The following AUTS2 variants were observed in gnomAD, a reference collection of about 807,000 sequenced individuals.
The protein encoded by AUTS2 is autism susceptibility gene 2 protein.
A neutral mutation model predicts 112.4 loss-of-function variants in AUTS2; 17 were observed. That is an observed-to-expected ratio of 0.15 (90% CI 0.10 to 0.23). The LOEUF (loss-of-function observed/expected upper bound fraction) is 0.23. Among genes scored for constraint, AUTS2 ranks in the 10% least tolerant of loss-of-function variants. AUTS2 has a pLI of 1.00. For missense variants in AUTS2, 1,510 were observed against 1,701.6 expected (o/e 0.89, Z 1.98); for synonymous variants, 751 against 702.7 (o/e 1.07, Z -1.09).
At chr7:70,333,598 A>G (rs1325956825) in intron 4 of AUTS2, among the ~76,000 whole-genome samples, 1 of 152,242 alleles carries the variant, frequency 6.6e-6, no homozygotes, top group Non-Finnish European at 1.5e-5. Context: ...AAAATGTGGC[A>G]TATATATACC....
intron 1 of AUTS2, among the ~76,000 whole-genome samples, chr7:69,743,858 A>T (rs1390435715): frequency 6.6e-6 from 1 of 152,188 alleles, no homozygotes; most frequent in Non-Finnish European, 1.5e-5. Flanking sequence ...GTACAGTAGA[A>T]CGATCATAGC....
chr7:70,074,350 G>GT (rs1802925936), intron 2 of AUTS2, among the ~76,000 whole-genome samples: 1 of 152,054 alleles, frequency 6.6e-6, no homozygotes, highest in African/African-American at 2.4e-5. Context: ...TTTCCCTTGG[G>GT]TGTTATCTTT....
At chr7:69,956,356 A>C (rs765291462) in intron 2 of AUTS2, among the ~76,000 whole-genome samples, 4 of 152,204 alleles carry the variant, frequency 2.6e-5, no homozygotes, top group Admixed American at 6.5e-5. Context: ...TACTCATATA[A>C]AACTGAAAGT....
chr7:70,631,468 G>A lies in AUTS2; in HGVS notation c.691-67101G>A, dbSNP rs1805254686. Among the ~76,000 whole-genome samples the A allele has an allele frequency of 6.6e-6, 1 of 152,212 alleles. No homozygotes were observed. Among genetic ancestry groups the A allele is most frequent in the Admixed American group, 6.5e-5 (1 of 15,290 alleles). On this transcript the variant is annotated intron_variant, in intron 5 of 18. Coordinates refer to ENST00000342771, the MANE Select transcript of AUTS2 (RefSeq NM_015570.4). This position sits in a 1 kb window ranked among gnomAD's most constrained non-coding sequence, Gnocchi z 4.5. ...TCCAATGGGCCGTTCAGGTTAGGGA[G>A]TTCCGAGACTCTCCATGATTTCTGA...
intron 4 of AUTS2, among the ~76,000 whole-genome samples, chr7:70,160,504 T>C (rs1808020025): frequency 6.6e-6 from 1 of 152,198 alleles, no homozygotes; most frequent in African/African-American, 2.4e-5. Flanking sequence ...GTTAGTCTCA[T>C]AGATGTCTGT....
chr7:69,991,046 A>G lies in AUTS2; in HGVS notation c.522+91548A>G, dbSNP rs781235005. 2.6e-5 allele frequency among the ~76,000 whole-genome samples: 4 copies of G among 152,264 alleles called. 1 individual carries two copies. Among genetic ancestry groups the G allele is most frequent in the Admixed American group, 2.6e-4 (4 of 15,292 alleles). On this transcript the variant is annotated intron_variant, in intron 2 of 18. Coordinates refer to ENST00000342771, the MANE Select transcript of AUTS2 (RefSeq NM_015570.4). ...GGCTATGGGGTCTTGTGAAGAGACG[A>G]GATAGCTTGTATTTAATTCACCTGA...
chr7:70,087,510 C>A, intron 2 of AUTS2, among the ~76,000 whole-genome samples: 1 of 151,940 alleles, frequency 6.6e-6, no homozygotes, highest in Non-Finnish European at 1.5e-5. Context: ...GCTGGGATTA[C>A]AGGTGCCCAC....
chr7:70,780,576 A>G (rs1791006287), intron 14 of AUTS2, among the ~76,000 whole-genome samples: 1 of 152,090 alleles, frequency 6.6e-6, no homozygotes, highest in African/African-American at 2.4e-5. Flanking sequence ...GGGTTTCACC[A>G]TGTTGCCCAG....
At chr7:70,123,653 A>G (rs886265237) in intron 3 of AUTS2, among the ~76,000 whole-genome samples, 8 of 152,194 alleles carry the variant, frequency 5.3e-5, no homozygotes, top group Non-Finnish European at 8.8e-5. Flanking sequence ...CTCCAGCACT[A>G]TCTATGTTCC....
chr7:70,613,057 T>C (rs1804177486), intron 5 of AUTS2, among the ~76,000 whole-genome samples: 2 of 152,024 alleles, frequency 1.3e-5, no homozygotes, highest in Admixed American at 1.3e-4. Context: ...TCATAAAAAG[T>C]GATTTAGACT....
intron 2 of AUTS2, among the ~76,000 whole-genome samples, chr7:69,906,114 G>A (rs1795140513): frequency 6.6e-6 from 1 of 152,230 alleles, no homozygotes; most frequent in Non-Finnish European, 1.5e-5. Context: ...ATTGAAGAAT[G>A]AGGGAGCACA....
chr7:70,551,791 C>T (rs555730809), intron 5 of AUTS2, among the ~76,000 whole-genome samples: 130 of 152,258 alleles, frequency 8.5e-4, no homozygotes, highest in African/African-American at 3.0e-3. Context: ...TAATAGGGGA[C>T]ACTGGATATG....
At chr7:69,744,912 T>C (rs1157282284) in intron 1 of AUTS2, among the ~76,000 whole-genome samples, 1 of 152,184 alleles carries the variant, frequency 6.6e-6, no homozygotes, top group Non-Finnish European at 1.5e-5. Flanking sequence ...CTTAGAAAGT[T>C]CAGTCACTTT....
chr7:70,572,796 T>C (rs1802002520), intron 5 of AUTS2, among the ~76,000 whole-genome samples: 1 of 152,196 alleles, frequency 6.6e-6, no homozygotes, highest in African/African-American at 2.4e-5. Context: ...CTGTTGGGGA[T>C]TGATCTGAAA....
chr7:70,418,077 G>C (rs148421004), intron 4 of AUTS2, among the ~76,000 whole-genome samples: 2 of 122,312 alleles, frequency 1.6e-5, no homozygotes, highest in East Asian at 2.2e-4. Context: ...CTAACTTTCT[G>C]TGTGTGTGTG....
At chr7:69,953,497 T>G (rs1797104730) in intron 2 of AUTS2, among the ~76,000 whole-genome samples, 1 of 152,188 alleles carries the variant, frequency 6.6e-6, no homozygotes, top group East Asian at 1.9e-4. Flanking sequence ...TTTAAGGGCC[T>G]GTTTTTCTGA....
intron 4 of AUTS2, among the ~76,000 whole-genome samples, chr7:70,313,314 T>C (rs555254620): frequency 6.6e-6 from 1 of 152,358 alleles, no homozygotes; most frequent in Admixed American, 6.5e-5. Flanking sequence ...ATAAGTGCTC[T>C]GAAGCTACCA....
intron 6 of AUTS2, among the ~76,000 whole-genome samples, chr7:70,724,276 T>C (rs1051873641): frequency 6.6e-6 from 1 of 152,180 alleles, no homozygotes; most frequent in Non-Finnish European, 1.5e-5. Flanking sequence ...CTTTCATATG[T>C]GCTTATCAGC....
chr7:70,448,609 A>C (rs1029218346), intron 5 of AUTS2, among the ~76,000 whole-genome samples: 7 of 152,224 alleles, frequency 4.6e-5, no homozygotes, highest in African/African-American at 1.7e-4. Flanking sequence ...AACAGTAATT[A>C]TTTCTCTCAG....
Sources: gnomAD v4.1 joint callset for allele counts (sites outside exome capture counted in the v4.1 genomes callset) on GRCh38, gnomAD v4.1.1 for gene constraint, Gnocchi (gnomAD v3.1) non-coding constraint, MANE v1.5 for transcripts, NCBI Gene and HGNC (gene_info 2026-07-23, HGNC 2026-07-21) for gene names.